The following PEBP4 variants were observed in gnomAD, a reference collection of about 807,000 sequenced individuals.
PEBP4 encodes the protein phosphatidylethanolamine binding protein 4, also known as phosphatidylethanolamine-binding protein 4.
In PEBP4, 22 loss-of-function variants were observed where a neutral mutation model predicts 23.9. The ratio of observed to expected loss-of-function variants is 0.92; its 90% CI spans 0.66 to 1.31. The LOEUF is 1.31. Ranked by LOEUF, PEBP4 falls within the 40% of genes most tolerant of loss-of-function variation. PEBP4 has a pLI of 0.00. For missense variants in PEBP4, 324 were observed against 281.7 expected (o/e 1.15, Z -1.07); for synonymous variants, 112 against 99.3 (o/e 1.13, Z -0.76).
chr8:22,779,248 A>T (rs939467514), intron 4 of PEBP4, among the ~76,000 whole-genome samples: 6 of 152,088 alleles, frequency 3.9e-5, no homozygotes, highest in Admixed American at 3.9e-4. Context: ...CCATATTTGG[A>T]TTCACCTGTT....
chr8:22,897,920 C>A (rs570114002), intron 3 of PEBP4: 5 of 152,110 alleles, frequency 3.3e-5, no homozygotes, highest in African/African-American at 1.2e-4. Context: ...GGGATCAGTA[C>A]CCCTATAAGA....
At chr8:22,904,199 C>T (rs770278783) in intron 3 of PEBP4, among the ~76,000 whole-genome samples, 18 of 152,154 alleles carry the variant, frequency 1.2e-4, no homozygotes, top group East Asian at 5.8e-4. Context: ...GATCTGCACA[C>T]GAGGCAGCTT....
chr8:22,902,212 C>T (rs897731095), intron 3 of PEBP4, among the ~76,000 whole-genome samples: 1 of 152,072 alleles, frequency 6.6e-6, no homozygotes. Context: ...GCCTGTAATC[C>T]CAGCTACTTA....
Position 22,870,768 on chromosome 8 carries a change from GTC to G in PEBP4, c.258+49414_258+49415del, listed in dbSNP as rs549667504. Among the ~76,000 whole-genome samples the G allele has an allele frequency of 5.8e-3, 885 of 152,248 alleles. 15 individuals are homozygous for G. Among genetic ancestry groups the G allele is most frequent in the African/African-American group, 0.02 (843 of 41,548 alleles). ...ACCAAAAACTGCTCTAAAAAGTAAA[GTC>G]TATTGAGAAAAAGTTGAATGGGCCA... On this transcript the variant is annotated intron_variant, in intron 3 of 6. Coordinates refer to ENST00000256404, the MANE Select transcript of PEBP4 (RefSeq NM_144962.3).
intron 3 of PEBP4, among the ~76,000 whole-genome samples, chr8:22,851,597 G>T (rs529801641): frequency 3.3e-5 from 5 of 152,090 alleles, no homozygotes; most frequent in Non-Finnish European, 7.4e-5. Flanking sequence ...CTCCCAGGGC[G>T]CCACCCACCA....
chr8:22,893,572 G>A (rs546464033), intron 3 of PEBP4, among the ~76,000 whole-genome samples: 2 of 152,072 alleles, frequency 1.3e-5, no homozygotes, highest in African/African-American at 4.8e-5. Context: ...GTAGGGGAAG[G>A]CTTATATATT....
intron 3 of PEBP4, among the ~76,000 whole-genome samples, chr8:22,912,909 A>G (rs1046115810): frequency 6.6e-6 from 1 of 152,122 alleles, no homozygotes; most frequent in South Asian, 2.1e-4. Context: ...CGCCCTCCTC[A>G]CCTGCCTTCC....
chr8:22,800,128 G>A (rs370456823), intron 4 of PEBP4, among the ~76,000 whole-genome samples: 1 of 152,072 alleles, frequency 6.6e-6, no homozygotes, highest in Non-Finnish European at 1.5e-5. Flanking sequence ...TAAAAGAGAG[G>A]GGTGAGAGCT....
At chr8:22,905,478 C>A (rs1348378327) in intron 3 of PEBP4, among the ~76,000 whole-genome samples, 1 of 152,064 alleles carries the variant, frequency 6.6e-6, no homozygotes, top group African/African-American at 2.4e-5. Flanking sequence ...TCTTTTTATC[C>A]CTTTGTCCTT....
chr8:22,801,208 C>T (rs975877740), intron 4 of PEBP4, among the ~76,000 whole-genome samples: 6 of 152,188 alleles, frequency 3.9e-5, no homozygotes, highest in African/African-American at 1.4e-4. Flanking sequence ...AGCCCCTAGT[C>T]ACAGCGGGGA....
At chr8:22,836,277 T>C (rs1807202717) in intron 3 of PEBP4, among the ~76,000 whole-genome samples, 1 of 152,252 alleles carries the variant, frequency 6.6e-6, no homozygotes, top group East Asian at 1.9e-4. Flanking sequence ...GACAAGTGAA[T>C]GGCTTCTCTG....
intron 3 of PEBP4, among the ~76,000 whole-genome samples, chr8:22,855,765 G>A (rs1188787518): frequency 2.6e-5 from 4 of 152,080 alleles, no homozygotes; most frequent in Admixed American, 1.3e-4. Flanking sequence ...AAGCAGCCAG[G>A]CATGATAGCT....
In PEBP4 at chr8:22,865,530, A is replaced by T. The variant is rs1026053782; in HGVS notation, c.259-47795T>A. 5.3e-5 allele frequency among the ~76,000 whole-genome samples: 8 copies of T among 152,208 alleles called. No homozygotes were observed. In the East Asian group the frequency reaches 1.2e-3, roughly 22 times the overall value. On this transcript the variant is annotated intron_variant, in intron 3 of 6. Coordinates refer to ENST00000256404, the MANE Select transcript of PEBP4 (RefSeq NM_144962.3). This position sits in a 1 kb window ranked among gnomAD's most constrained non-coding sequence, Gnocchi z 6.9. Reference sequence around the variant, plus strand: ...AGGAGCCTCGGGGAAGAGCTAAAAAAGGCAAGGCGCTGCTGCCGGTGCCGG... The same window carrying T: ...AGGAGCCTCGGGGAAGAGCTAAAAATGGCAAGGCGCTGCTGCCGGTGCCGG...
At chr8:22,924,229 T>A (rs1056579996) in intron 2 of PEBP4, among the ~76,000 whole-genome samples, 3 of 152,072 alleles carry the variant, frequency 2.0e-5, no homozygotes, top group Non-Finnish European at 4.4e-5. Flanking sequence ...CCAGGTGTGG[T>A]GGCGTGCACC....
chr8:22,936,718 T>G (rs941728137), intron 1 of PEBP4, among the ~76,000 whole-genome samples: 2 of 152,118 alleles, frequency 1.3e-5, no homozygotes, highest in Admixed American at 6.5e-5. Context: ...AATATTAGCA[T>G]AGATAATTCA....
intron 4 of PEBP4, among the ~76,000 whole-genome samples, chr8:22,789,376 T>C (rs769668706): frequency 6.6e-6 from 1 of 152,060 alleles, no homozygotes; most frequent in Non-Finnish European, 1.5e-5. Context: ...CCTAGGGAAG[T>C]CTAGACAGTG....
intron 4 of PEBP4, among the ~76,000 whole-genome samples, chr8:22,766,259 G>C (rs1805613091): frequency 6.6e-6 from 1 of 152,218 alleles, no homozygotes; most frequent in African/African-American, 2.4e-5. Context: ...GTGGGACTGT[G>C]GATGGTGAAA....
At chr8:22,855,593 C>T (rs1807629919) in intron 3 of PEBP4, among the ~76,000 whole-genome samples, 1 of 152,088 alleles carries the variant, frequency 6.6e-6, no homozygotes, top group African/African-American at 2.4e-5. Context: ...AGTATTATGT[C>T]CCTGGAACTC....
intron 6 of PEBP4, among the ~76,000 whole-genome samples, chr8:22,715,958 CAG>C (rs1277040179): frequency 2.0e-5 from 3 of 152,140 alleles, no homozygotes; most frequent in Non-Finnish European, 4.4e-5. Context: ...CCCCGAGAGG[CAG>C]AGAGTCCGCG....
Sources: gnomAD v4.1 joint callset for allele counts (sites outside exome capture counted in the v4.1 genomes callset) on GRCh38, gnomAD v4.1.1 for gene constraint, Gnocchi (gnomAD v3.1) non-coding constraint, MANE v1.5 for transcripts, NCBI Gene and HGNC (gene_info 2026-07-23, HGNC 2026-07-21) for gene names.